Variants in BNC2 observed in about 807,000 individuals in gnomAD.
The protein encoded by BNC2 is zinc finger protein basonuclin-2.
A neutral mutation model predicts 76.3 loss-of-function variants in BNC2; 20 were observed. That is an observed-to-expected ratio of 0.26 (90% confidence interval 0.18 to 0.38). The LOEUF (loss-of-function observed/expected upper bound fraction) is 0.38. BNC2 is among the 10% of genes least tolerant of loss of function. BNC2 has a pLI of 1.00. For missense variants in BNC2, 1,382 were observed against 1,399.8 expected (o/e 0.99, Z 0.20); for synonymous variants, 582 against 514.8 (o/e 1.13, Z -1.77).
chr9:16,463,798 T>C (rs1162499775), intron 5 of BNC2, among the ~76,000 whole-genome samples: 1 of 151,980 alleles, frequency 6.6e-6, no homozygotes, highest in African/African-American at 2.4e-5. Context: ...GGTTCACGTC[T>C]GTAATCCCAG....
rs565228698 is a variant in BNC2, at chr9:16,764,473, G to T, written c.4-25988C>A. Among the ~76,000 whole-genome samples the T allele has an allele frequency of 2.0e-5, 3 of 152,228 alleles. No homozygotes were observed. The East Asian group carries it at 5.8e-4, about 29-fold the overall frequency. On this transcript the variant is annotated intron_variant, in intron 1 of 6. Coordinates refer to ENST00000380672, the MANE Select transcript of BNC2 (RefSeq NM_017637.6). ...CCCAACCTAAAAATCTGTGACAAGAGACCATGAGTATATATCCTGTCATGT... is the reference window on the plus strand; with the variant it reads ...CCCAACCTAAAAATCTGTGACAAGATACCATGAGTATATATCCTGTCATGT...
intron 3 of BNC2, among the ~76,000 whole-genome samples, chr9:16,673,443 A>C (rs35947742): frequency 0.56 from 81,883 of 145,566 alleles, 24,289 homozygotes; most frequent in Non-Finnish European, 0.66. Flanking sequence ...AAAAAAAAAA[A>C]ACACACACAC....
At chr9:16,606,320 G>C (rs948284625) in intron 3 of BNC2, among the ~76,000 whole-genome samples, 2 of 152,132 alleles carry the variant, frequency 1.3e-5, no homozygotes, top group Admixed American at 6.6e-5. Flanking sequence ...CTGAGGAATG[G>C]ATTAGAGGGG....
chr9:16,423,098 C>G (rs1410711274), intron 6 of BNC2, among the ~76,000 whole-genome samples: 2 of 152,166 alleles, frequency 1.3e-5, no homozygotes, highest in Non-Finnish European at 2.9e-5. Context: ...AGAGGAAGCC[C>G]TACTCAGTTG....
At chr9:16,818,273 G>T (rs998326860) in intron 1 of BNC2, among the ~76,000 whole-genome samples, 3 of 152,006 alleles carry the variant, frequency 2.0e-5, no homozygotes, top group African/African-American at 7.3e-5. Context: ...GCGAGTTGGC[G>T]GGCGCCTGTA....
At chr9:16,862,848 C>G (rs1431152180) in intron 1 of BNC2, among the ~76,000 whole-genome samples, 1 of 151,680 alleles carries the variant, frequency 6.6e-6, no homozygotes, top group African/African-American at 2.4e-5. Context: ...CATGCTTTTT[C>G]TGTGGGAAGG....
At chr9:16,734,887 CT>C (rs1824620361) in intron 2 of BNC2, among the ~76,000 whole-genome samples, 1 of 152,130 alleles carries the variant, frequency 6.6e-6, no homozygotes, top group Non-Finnish European at 1.5e-5. Flanking sequence ...CACAAACATC[CT>C]CCATAACTAA....
chr9:16,857,444 ACCAG>A, intron 1 of BNC2, among the ~76,000 whole-genome samples: 1 of 146,050 alleles, frequency 6.8e-6, no homozygotes, highest in East Asian at 2.0e-4. Flanking sequence ...GCCACTGCAC[ACCAG>A]CCTGGGCAAC....
intron 3 of BNC2, among the ~76,000 whole-genome samples, chr9:16,597,864 T>G (rs1261832832): frequency 6.6e-6 from 1 of 152,098 alleles, no homozygotes; most frequent in Non-Finnish European, 1.5e-5. Flanking sequence ...TGATATTCTT[T>G]CATTCCGTGC....
chr9:16,841,215 A>T (rs72713815), intron 1 of BNC2, among the ~76,000 whole-genome samples: 16,280 of 152,190 alleles, frequency 0.11, 961 homozygotes, highest in African/African-American at 0.13. Flanking sequence ...ATCCTTACCC[A>T]AACTATGTCT....
chr9:16,660,556 C>G lies in BNC2; in HGVS notation c.330+67241G>C, dbSNP rs151326086. Among the ~76,000 whole-genome samples, 242 of 151,920 alleles carry G rather than the reference C, an allele frequency of 1.6e-3. 2 individuals carry two copies. The highest frequency in any genetic ancestry group is 5.4e-3 in the African/African-American group (224 of 41,466). On this transcript the variant is annotated intron_variant, in intron 3 of 6. Transcript: ENST00000380672. ...ATAAGCTGCCTAAGGTATCCAATAGCACGGACTATAATTAGCCTTCACAAA... is the reference window on the plus strand; with the variant it reads ...ATAAGCTGCCTAAGGTATCCAATAGGACGGACTATAATTAGCCTTCACAAA...
At chr9:16,659,796 C>T (rs1043417170) in intron 3 of BNC2, among the ~76,000 whole-genome samples, 12 of 152,092 alleles carry the variant, frequency 7.9e-5, no homozygotes, top group African/African-American at 2.7e-4. Flanking sequence ...TAACAGGCTC[C>T]TCTCTAGCCT....
At chr9:16,476,122 TCTGCCATCAAGAG>T (rs1226170759) in intron 5 of BNC2, 3 of 152,210 alleles carry the variant, frequency 2.0e-5, no homozygotes, top group African/African-American at 7.2e-5. Flanking sequence ...CCCCTAAAGA[TCTGCCATCAAGAG>T]CTGAGCCACT....
chr9:16,506,746 T>C (rs961256109), intron 5 of BNC2, among the ~76,000 whole-genome samples: 7 of 150,018 alleles, frequency 4.7e-5, no homozygotes, highest in African/African-American at 7.4e-5. Context: ...GGCTGTTTGT[T>C]TGGTTTTTTT....
At position 16,469,295 on chromosome 9, in the gene BNC2, T is replaced by A. The variant is rs113506948; in HGVS notation, c.670-31771A>T. On this transcript the variant is annotated intron_variant, in intron 5 of 6. Coordinates refer to ENST00000380672, the MANE Select transcript of BNC2 (RefSeq NM_017637.6). The stretch of plus-strand genomic sequence containing the variant: ...TATCTCCCAGAATTCCCACATGTTG[T>A]AGGAAGGACCCGGGGGAGGTAACTG... Among the ~76,000 whole-genome samples, 1,299 of 152,252 alleles carry A rather than the reference T, an allele frequency of 8.5e-3. 16 individuals are homozygous for A. The highest frequency in any genetic ancestry group is 0.03 in the African/African-American group (1,231 of 41,546).
At chr9:16,637,253 G>T (rs553201553) in intron 3 of BNC2, among the ~76,000 whole-genome samples, 16 of 152,196 alleles carry the variant, frequency 1.1e-4, no homozygotes, top group Admixed American at 1.0e-3. Context: ...CTCTTAAAGT[G>T]CCTAACTGAC....
At chr9:16,736,270 A>G (rs929616482) in intron 2 of BNC2, among the ~76,000 whole-genome samples, 1 of 151,624 alleles carries the variant, frequency 6.6e-6, no homozygotes, top group African/African-American at 2.4e-5. Context: ...GGCAGAGTTC[A>G]GTACCTTACA....
At chr9:16,511,170 T>G (rs1822745848) in intron 5 of BNC2, among the ~76,000 whole-genome samples, 1 of 145,330 alleles carries the variant, frequency 6.9e-6, no homozygotes, top group Non-Finnish European at 1.5e-5. Context: ...AGTGCAGTGG[T>G]GCGATCATAC....
At chr9:16,735,227 GT>G (rs1824629672) in intron 2 of BNC2, among the ~76,000 whole-genome samples, 1 of 151,986 alleles carries the variant, frequency 6.6e-6, no homozygotes, top group Non-Finnish European at 1.5e-5. Context: ...CCTACAAAAG[GT>G]CAAACATTTT....
Sources: allele counts gnomAD v4.1 joint callset (sites outside exome capture counted in the v4.1 genomes callset), GRCh38; gene constraint gnomAD v4.1.1; transcripts MANE v1.5; gene names NCBI Gene and HGNC (gene_info 2026-07-23, HGNC 2026-07-21).